The following DPY19L2 variants were observed in gnomAD, a reference collection of about 807,000 sequenced individuals.
DPY19L2 encodes dpy-19 like 2, also known as probable C-mannosyltransferase DPY19L2.
DPY19L2 carries 34 observed loss-of-function variants against 97.9 expected under a neutral mutation model. The observed-to-expected ratio is 0.35, with a 90% CI of 0.26 to 0.46. The LOEUF is 0.46. DPY19L2 is among the 20% of genes least tolerant of loss of function. The pLI is 1.00. For synonymous variants in DPY19L2, 230 were observed against 307.9 expected (o/e 0.75, Z 2.65); for missense variants, 623 against 911.4 (o/e 0.68, Z 4.07).
intron 6 of DPY19L2, among the ~76,000 whole-genome samples, chr12:63,631,517 G>T (rs2137942021): frequency 6.6e-6 from 1 of 152,182 alleles, no homozygotes; most frequent in South Asian, 2.1e-4. Context: ...AAACCAGGAA[G>T]AATTTGAATC....
chr12:63,628,785 C>T (rs1202059685), intron 6 of DPY19L2, among the ~76,000 whole-genome samples: 1 of 151,174 alleles, frequency 6.6e-6, no homozygotes, highest in East Asian at 1.9e-4. Context: ...GGGTCCCTGA[C>T]CTCCGAGTAG....
intron 15 of DPY19L2, among the ~76,000 whole-genome samples, chr12:63,594,798 TTCTC>T (rs1883925079): frequency 6.6e-6 from 1 of 152,088 alleles, no homozygotes; most frequent in South Asian, 2.1e-4. Flanking sequence ...AGCTATCAGT[TTCTC>T]TCACATTGCT....
intron 16 of DPY19L2, among the ~76,000 whole-genome samples, chr12:63,590,637 A>C (rs868656799): frequency 2.6e-5 from 4 of 152,170 alleles, no homozygotes; most frequent in African/African-American, 9.7e-5. Context: ...CAAGTTGCAG[A>C]ATAAGAAGAA....
intron 15 of DPY19L2, among the ~76,000 whole-genome samples, chr12:63,594,845 G>A (rs1276232780): frequency 6.6e-6 from 1 of 152,046 alleles, no homozygotes; most frequent in African/African-American, 2.4e-5. Context: ...TCATGCATTG[G>A]CCCCTCTAAG....
At chr12:63,594,464 A>AGAGAGTGTGTGTGTGTGTGTGT (rs1555189197) in intron 15 of DPY19L2, among the ~76,000 whole-genome samples, 6 of 124,930 alleles carry the variant, frequency 4.8e-5, no homozygotes, top group Non-Finnish European at 9.8e-5. Flanking sequence ...AGAGAGAGAT[A>AGAGAGTGTGTGTGTGTGTGTGT]GTGTGTGTGT....
intron 16 of DPY19L2, among the ~76,000 whole-genome samples, chr12:63,586,744 T>C (rs1881859497): frequency 6.6e-6 from 1 of 152,164 alleles, no homozygotes; most frequent in Non-Finnish European, 1.5e-5. Context: ...TGTTAGCTAC[T>C]ATCGTTGGTG....
chr12:63,637,730 A>C (rs189336629), intron 6 of DPY19L2, among the ~76,000 whole-genome samples: 14 of 152,188 alleles, frequency 9.2e-5, no homozygotes, highest in Admixed American at 9.2e-4. Flanking sequence ...CCTACCAACC[A>C]AAAAAAGTCC....
At chr12:63,590,394 C>T (rs886556719) in intron 16 of DPY19L2, among the ~76,000 whole-genome samples, 1 of 152,080 alleles carries the variant, frequency 6.6e-6, no homozygotes, top group Non-Finnish European at 1.5e-5. Context: ...AGTCCAAATT[C>T]AAATATTTCA....
intron 6 of DPY19L2, among the ~76,000 whole-genome samples, chr12:63,635,817 G>C (rs1891580259): frequency 6.6e-6 from 1 of 152,176 alleles, no homozygotes; most frequent in African/African-American, 2.4e-5. Context: ...GTACCTGAAA[G>C]TGACAGGGAG....
chr12:63,561,784 T>G (rs935931490), intron 21 of DPY19L2, among the ~76,000 whole-genome samples: 1 of 151,708 alleles, frequency 6.6e-6, no homozygotes, highest in Non-Finnish European at 1.5e-5. Context: ...TCATTTCTCT[T>G]AGGGAAACAC....
intron 4 of DPY19L2, chr12:63,661,142 T>C: frequency 2.6e-6 from 1 of 390,354 alleles, no homozygotes; most frequent in Non-Finnish European, 4.4e-6. Flanking sequence ...CTAAGGTTCA[T>C]TCTTCGAGTT....
Position 63,580,662 on chromosome 12 carries a change from C to T in DPY19L2, c.1900G>A (p.Asp634Asn). ...AGCATATAACCAAATACCTACACAC[C>T]TGATGTGGTACTGTATTTGATCCAC... ...LQWIKYSTTS[D>N]AVFAGAMPTM... is the part of the protein sequence containing the mutation. The change falls in exon 19 of 22, where the codon GAT becomes AAT. Residue 634 changes from aspartate to asparagine, a missense_variant and splice_region_variant. Physicochemically the swap from Asp to Asn is conservative, Grantham distance 23. This residue lies in a region of DPY19L2 where 294 missense variants were observed against 446.2 expected (regional missense o/e 0.66). Transcript: ENST00000324472. 6.2e-7 allele frequency: 1 copy of T among 1,608,276 alleles called. No individual in the cohort carries two copies. The highest frequency in any genetic ancestry group is 8.5e-7 in the Non-Finnish European group (1 of 1,177,730).
chr12:63,661,944 T>C (rs546293880), intron 3 of DPY19L2, among the ~76,000 whole-genome samples: 1 of 152,244 alleles, frequency 6.6e-6, no homozygotes, highest in East Asian at 1.9e-4. Context: ...ACCATAAGCA[T>C]CATGAGCAAG....
At chr12:63,660,332 A>AAT (rs1229403379) in intron 4 of DPY19L2, among the ~76,000 whole-genome samples, 4 of 151,708 alleles carry the variant, frequency 2.6e-5, no homozygotes, top group African/African-American at 9.7e-5. Context: ...AAATTAAAGA[A>AAT]ATATATATAT....
chr12:63,625,954 TAA>T (rs754461112), intron 7 of DPY19L2, among the ~76,000 whole-genome samples: 24 of 147,644 alleles, frequency 1.6e-4, no homozygotes, highest in African/African-American at 4.4e-4. Context: ...ATATAATATA[TAA>T]GTTTTTATAA....
intron 4 of DPY19L2, among the ~76,000 whole-genome samples, chr12:63,658,703 C>A (rs1315037174): frequency 6.6e-6 from 1 of 152,152 alleles, no homozygotes; most frequent in Admixed American, 6.5e-5. Flanking sequence ...GACTTGTCCT[C>A]TTCTCCAAGG....
chr12:63,661,163 C>A (rs1467592659), intron 4 of DPY19L2, 181 bp downstream of exon 4: 1 of 476,890 alleles, frequency 2.1e-6, no homozygotes, highest in Non-Finnish European at 3.4e-6. Flanking sequence ...CATGAGAGAA[C>A]AGTTTCTGGG....
intron 13 of DPY19L2, among the ~76,000 whole-genome samples, chr12:63,599,596 G>A (rs1336940842): frequency 6.6e-6 from 1 of 152,014 alleles, no homozygotes; most frequent in African/African-American, 2.4e-5. Context: ...CATTAAATGA[G>A]GTAAATTTCA....
chr12:63,604,014 A>G (rs547385820), intron 12 of DPY19L2, among the ~76,000 whole-genome samples: 6 of 152,356 alleles, frequency 3.9e-5, no homozygotes, highest in Non-Finnish European at 7.4e-5. Flanking sequence ...CACAAACCTT[A>G]CAAAAGAACT....
Sources: gnomAD v4.1 joint callset for allele counts (sites outside exome capture counted in the v4.1 genomes callset) on GRCh38, gnomAD v4.1.1 for gene constraint, gnomAD v4.1.1 regional missense constraint, MANE v1.5 for transcripts, NCBI Gene and HGNC (gene_info 2026-07-23, HGNC 2026-07-21) for gene names.